RPH3A: variants seen among roughly 807,000 people sequenced by gnomAD.
RPH3A encodes rabphilin 3A, also known as rabphilin-3A.
Under a neutral mutation model 102.2 loss-of-function variants are expected in RPH3A, and 48 were observed. The ratio of observed to expected loss-of-function variants is 0.47; its 90% confidence interval spans 0.37 to 0.60. The LOEUF (loss-of-function observed/expected upper bound fraction) is 0.60. RPH3A is among the 20% of genes least tolerant of loss of function. RPH3A has a pLI of 0.00. For missense variants in RPH3A, 781 were observed against 910.1 expected (o/e 0.86, Z 1.83); for synonymous variants, 310 against 324.3 (o/e 0.96, Z 0.47).
At chr12:112,835,419 T>A (rs1031699166) in intron 3 of RPH3A, among the ~76,000 whole-genome samples, 4 of 152,208 alleles carry the variant, frequency 2.6e-5, no homozygotes, top group African/African-American at 9.6e-5. Flanking sequence ...TTTACTTTAG[T>A]CGATATGAAG....
rs775496523 is a variant in RPH3A, at chr12:112,875,660, G to T, written c.884-19G>T. 7 of 1,609,414 alleles carry T rather than the reference G, an allele frequency of 4.3e-6. No homozygotes were observed. Among genetic ancestry groups the T allele is most frequent in the Non-Finnish European group, 3.4e-6 (4 of 1,176,090 alleles). ...CACCCTCTCTGCTGCATCTCTGTTT[G>T]TCTCCTCTCCCTGCTCAGGGACCCC... On this transcript the variant is annotated intron_variant, in intron 11 of 21. Transcript: ENST00000389385.
chr12:112,884,546 T>G (rs920779587), intron 16 of RPH3A, among the ~76,000 whole-genome samples: 2 of 152,222 alleles, frequency 1.3e-5, no homozygotes, highest in Non-Finnish European at 2.9e-5. Flanking sequence ...TGTTTTCAGC[T>G]TTTTTCTATT....
intron 1 of RPH3A, among the ~76,000 whole-genome samples, chr12:112,644,776 A>G (rs2039916412): frequency 6.6e-6 from 1 of 152,248 alleles, no homozygotes; most frequent in Non-Finnish European, 1.5e-5. Context: ...AATATCCACA[A>G]GAAACTCACC....
intron 1 of RPH3A, among the ~76,000 whole-genome samples, chr12:112,608,915 A>G (rs2039618079): frequency 6.6e-6 from 1 of 152,240 alleles, no homozygotes; most frequent in Non-Finnish European, 1.5e-5. Context: ...TGCTCCAGGA[A>G]CTGAATCAGA....
intron 1 of RPH3A, among the ~76,000 whole-genome samples, chr12:112,749,811 T>C (rs751849081): frequency 2.8e-4 from 42 of 152,360 alleles, no homozygotes; most frequent in Non-Finnish European, 5.0e-4. Context: ...AGTTTGTTTA[T>C]AGCAAATGCT....
At chr12:112,614,722 G>C (rs890090131) in intron 1 of RPH3A, among the ~76,000 whole-genome samples, 268 of 113,926 alleles carry the variant, frequency 2.4e-3, no homozygotes, top group Non-Finnish European at 3.5e-3. Context: ...AAAAAAGGAA[G>C]AAAAAGATCC....
At chr12:112,670,982 T>C (rs2040125018) in intron 1 of RPH3A, among the ~76,000 whole-genome samples, 1 of 151,936 alleles carries the variant, frequency 6.6e-6, no homozygotes. Context: ...GGACCATGAA[T>C]GCAATTAATC....
rs904023233 is a variant in RPH3A at position 112,588,249 on chromosome 12, C to T, written c.-140+12930C>T. Among the ~76,000 whole-genome samples, 4 of 152,322 alleles carry T rather than the reference C, an allele frequency of 2.6e-5. 1 individual carries two copies. ...AAATGTAGATGTATTAGTCTGTTCT[C>T]ATGCTGCTAATAAAGACACACCTGA... On this transcript the variant is annotated intron_variant, in intron 1 of 21. Coordinates refer to the RPH3A transcript ENST00000543106.
upstream of RPH3A, among the ~76,000 whole-genome samples, chr12:112,789,251 G>A (rs1249144514): frequency 6.6e-6 from 1 of 152,218 alleles, no homozygotes; most frequent in African/African-American, 2.4e-5. Flanking sequence ...TGAAAGGCTT[G>A]CATTCTATAC....
intron 4 of RPH3A, among the ~76,000 whole-genome samples, chr12:112,841,305 G>C (rs1228693979): frequency 1.3e-5 from 2 of 151,932 alleles, no homozygotes; most frequent in African/African-American, 2.4e-5. Flanking sequence ...TAAGATGAGG[G>C]GGGCAGGGGG....
rs200714775 is a variant in RPH3A, at chr12:112,643,311, A to G, written c.-140+67992A>G. 2.0e-5 allele frequency among the ~76,000 whole-genome samples: 3 copies of G among 152,202 alleles called. No homozygotes were observed. In the East Asian group the frequency reaches 5.8e-4, roughly 29 times the overall value. On this transcript the variant is annotated intron_variant, in intron 1 of 21. Coordinates refer to the RPH3A transcript ENST00000543106. ...ACTCATGTGTCTTGTTTCCTAATTCATTACTTCCATCCCTCCCTGCATCCT... is the reference window on the plus strand; with the variant it reads ...ACTCATGTGTCTTGTTTCCTAATTCGTTACTTCCATCCCTCCCTGCATCCT...
At chr12:112,788,300 G>A (rs371232899), upstream of RPH3A, among the ~76,000 whole-genome samples, 1 of 152,198 alleles carries the variant, frequency 6.6e-6, no homozygotes, top group East Asian at 1.9e-4. Flanking sequence ...GAAGGCTTGG[G>A]CAGATGCCCA....
chr12:112,894,526 T>C (rs2043148571), intron 19 of RPH3A, 52 bp from the exon 20 acceptor site: 1 of 1,543,810 alleles, frequency 6.5e-7, no homozygotes, highest in Admixed American at 1.8e-5. Flanking sequence ...GTCAAGAGGC[T>C]GTTCTTATTC....
chr12:112,775,352 C>A (rs985139765), intron 1 of RPH3A, among the ~76,000 whole-genome samples: 16 of 149,730 alleles, frequency 1.1e-4, no homozygotes, highest in Non-Finnish European at 2.1e-4. Flanking sequence ...ATTCATCCAC[C>A]AAGAATTTGC....
At position 112,727,503 on chromosome 12, in the gene RPH3A, C is replaced by CA. The variant is rs1565862566; in HGVS notation, c.-139-64640_-139-64639insA. Among the ~76,000 whole-genome samples, 498 of 92,276 alleles carry CA rather than the reference C, an allele frequency of 5.4e-3. 17 individuals carry two copies. The highest frequency in any genetic ancestry group is 0.023 in the African/African-American group (477 of 21,102). 60.5% of individuals were successfully genotyped at this position (92,276 alleles called of 152,430 possible). On this transcript the variant is annotated intron_variant, in intron 1 of 21. Coordinates refer to the RPH3A transcript ENST00000543106. ...CACACACACACACAGACCCCCCCCC[C>CA]CCACACACATATATATATATAGGCA...
intron 1 of RPH3A, among the ~76,000 whole-genome samples, chr12:112,660,419 C>A (rs902439124): frequency 1.3e-5 from 2 of 152,156 alleles, no homozygotes; most frequent in African/African-American, 2.4e-5. Flanking sequence ...ACACCCCCTG[C>A]CCCATACCAA....
chr12:112,685,305 C>A (rs1258714861), intron 1 of RPH3A, among the ~76,000 whole-genome samples: 1 of 152,170 alleles, frequency 6.6e-6, no homozygotes, highest in Non-Finnish European at 1.5e-5. Context: ...CTCATTATCC[C>A]TGAAGACCCC....
intron 1 of RPH3A, among the ~76,000 whole-genome samples, chr12:112,738,673 A>G (rs78304876): frequency 0.014 from 2,064 of 152,262 alleles, 41 homozygotes; most frequent in South Asian, 0.066. Context: ...CTCCAGCTCA[A>G]TCAAAAAGAG....
chr12:112,687,588 A>G (rs1041811946), intron 1 of RPH3A, among the ~76,000 whole-genome samples: 1 of 152,228 alleles, frequency 6.6e-6, no homozygotes, highest in Non-Finnish European at 1.5e-5. Context: ...CACGTGTGCT[A>G]TCATTGAAGG....
Sources: gnomAD v4.1 joint callset for allele counts (sites outside exome capture counted in the v4.1 genomes callset) on GRCh38, gnomAD v4.1.1 for gene constraint, MANE v1.5 for transcripts, NCBI Gene and HGNC (gene_info 2026-07-23, HGNC 2026-07-21) for gene names.